Variants in AGBL4 observed in about 807,000 individuals in gnomAD.
AGBL4 encodes cytosolic carboxypeptidase 6.
AGBL4 carries 58 observed loss-of-function variants against 66.4 expected under a neutral mutation model. The ratio of observed to expected loss-of-function variants is 0.87; its 90% confidence interval spans 0.71 to 1.09. The LOEUF (loss-of-function observed/expected upper bound fraction) is 1.09. AGBL4 is among the 50% of genes least tolerant of loss of function. The probability of loss-of-function intolerance (pLI) is 0.00; values close to 1 mark genes in which losing one functional copy is unlikely to be tolerated. For missense variants in AGBL4, 579 were observed against 631.0 expected (o/e 0.92, Z 0.88); for synonymous variants, 234 against 222.9 (o/e 1.05, Z -0.44).
intron 6 of AGBL4, among the ~76,000 whole-genome samples, chr1:48,724,194 G>A (rs1282875911): frequency 6.6e-6 from 1 of 152,158 alleles, no homozygotes; most frequent in Non-Finnish European, 1.5e-5. Flanking sequence ...CTCTTGGGGG[G>A]CACATTAATT....
intron 5 of AGBL4, among the ~76,000 whole-genome samples, chr1:49,004,107 T>C (rs766073531): frequency 2.9e-4 from 44 of 152,218 alleles, no homozygotes; most frequent in Non-Finnish European, 4.7e-4. Context: ...TGGGCCTTCA[T>C]TGAGCCTCCC....
At chr1:49,823,315 G>A (rs888257350) in intron 2 of AGBL4, among the ~76,000 whole-genome samples, 1 of 152,102 alleles carries the variant, frequency 6.6e-6, no homozygotes, top group Non-Finnish European at 1.5e-5. Context: ...TTGACCTAGT[G>A]GGCTGGAAAA....
At chr1:49,726,785 T>A (rs1649062441) in intron 2 of AGBL4, among the ~76,000 whole-genome samples, 1 of 152,196 alleles carries the variant, frequency 6.6e-6, no homozygotes, top group South Asian at 2.1e-4. Flanking sequence ...CCATCCTTCA[T>A]CAATGTTTAT....
chr1:49,967,962 G>A (rs952416555), intron 1 of AGBL4, among the ~76,000 whole-genome samples: 4 of 151,990 alleles, frequency 2.6e-5, no homozygotes, highest in Admixed American at 6.6e-5. Context: ...GGTGGCTCAC[G>A]CCTATAATTC....
chr1:49,661,927 C>A (rs1052387236), intron 3 of AGBL4, among the ~76,000 whole-genome samples: 5 of 152,024 alleles, frequency 3.3e-5, no homozygotes, highest in Non-Finnish European at 7.4e-5. Context: ...TGTCTATCAA[C>A]AGGTGAATGG....
intron 4 of AGBL4, among the ~76,000 whole-genome samples, chr1:49,135,694 G>T (rs1645997433): frequency 6.6e-6 from 1 of 152,222 alleles, no homozygotes; most frequent in African/African-American, 2.4e-5. Flanking sequence ...TCATGCTATT[G>T]TTTGTGGCTT....
intron 3 of AGBL4, among the ~76,000 whole-genome samples, chr1:49,311,009 C>T (rs554602201): frequency 6.6e-6 from 1 of 152,138 alleles, no homozygotes; most frequent in Non-Finnish European, 1.5e-5. Context: ...GCCTCCAAGG[C>T]TTCTCTAAGC....
chr1:49,595,904 G>C (rs1037017337), intron 3 of AGBL4, among the ~76,000 whole-genome samples: 6 of 152,120 alleles, frequency 3.9e-5, no homozygotes, highest in Non-Finnish European at 8.8e-5. Context: ...CAGCCTAGGA[G>C]CACTTAAACT....
At chr1:48,916,907 T>G (rs1653630037) in intron 5 of AGBL4, among the ~76,000 whole-genome samples, 1 of 152,242 alleles carries the variant, frequency 6.6e-6, no homozygotes, top group African/African-American at 2.4e-5. Context: ...ATACAGTGAC[T>G]GATATGTTGA....
intron 3 of AGBL4, among the ~76,000 whole-genome samples, chr1:49,526,754 A>T (rs1650691525): frequency 6.6e-6 from 1 of 152,188 alleles, no homozygotes. Context: ...TTCCATGAAC[A>T]TCGATTACAA....
chr1:48,670,577 T>C (rs961757323), intron 6 of AGBL4, among the ~76,000 whole-genome samples: 33 of 152,232 alleles, frequency 2.2e-4, no homozygotes, highest in African/African-American at 8.0e-4. Flanking sequence ...TGAGTTCTTC[T>C]CCCCAGACAG....
At chr1:48,721,871 T>G (rs546640865) in intron 6 of AGBL4, among the ~76,000 whole-genome samples, 1 of 152,326 alleles carries the variant, frequency 6.6e-6, no homozygotes, top group African/African-American at 2.4e-5. Flanking sequence ...TCTCTGACTT[T>G]TGTCATTTAT....
chr1:49,601,116 T>A (rs2124160917), intron 3 of AGBL4, among the ~76,000 whole-genome samples: 1 of 152,310 alleles, frequency 6.6e-6, no homozygotes, highest in African/African-American at 2.4e-5. Flanking sequence ...TTGGGGTTGC[T>A]CTTCTCGAGG....
At chr1:48,946,286 C>A (rs1176101723) in intron 5 of AGBL4, among the ~76,000 whole-genome samples, 4 of 152,196 alleles carry the variant, frequency 2.6e-5, no homozygotes, top group African/African-American at 9.6e-5. Flanking sequence ...AGGGGCTGCC[C>A]TATGACCCAT....
At chr1:48,854,508 C>T (rs576619172) in intron 6 of AGBL4, among the ~76,000 whole-genome samples, 23 of 152,272 alleles carry the variant, frequency 1.5e-4, no homozygotes, top group Admixed American at 7.2e-4. Flanking sequence ...CAGAACAGAT[C>T]CATGTTTGTT....
At chr1:49,722,990 CTGAG>C (rs1188503736) in intron 2 of AGBL4, among the ~76,000 whole-genome samples, 13 of 152,250 alleles carry the variant, frequency 8.5e-5, no homozygotes, top group Admixed American at 6.5e-5. Context: ...GAACTCTACA[CTGAG>C]TGTCGCCACC....
chr1:48,995,793 T>C (rs985547912), intron 5 of AGBL4, among the ~76,000 whole-genome samples: 2 of 152,102 alleles, frequency 1.3e-5, no homozygotes, highest in African/African-American at 4.8e-5. Context: ...GTAGAAGAAG[T>C]AGGCAGAAAA....
intron 1 of AGBL4, among the ~76,000 whole-genome samples, chr1:49,922,144 A>G (rs1652320692): frequency 6.6e-6 from 1 of 152,220 alleles, no homozygotes; most frequent in Non-Finnish European, 1.5e-5. Context: ...TTATGTGATG[A>G]GTCACATTTA....
At chr1:48,836,573 C>A (rs570897725) in intron 6 of AGBL4, among the ~76,000 whole-genome samples, 3 of 152,090 alleles carry the variant, frequency 2.0e-5, no homozygotes, top group African/African-American at 7.2e-5. Flanking sequence ...AAAAAAGGAT[C>A]TTTGGTTGGA....
Sources: allele counts gnomAD v4.1 joint callset (sites outside exome capture counted in the v4.1 genomes callset), GRCh38; gene constraint gnomAD v4.1.1; transcripts MANE v1.5; gene names NCBI Gene and HGNC (gene_info 2026-07-23, HGNC 2026-07-21).